The following TMOD1 variants were observed in gnomAD, a reference collection of about 807,000 sequenced individuals.
TMOD1 encodes the protein tropomodulin 1.
In TMOD1, 17 loss-of-function variants were observed where a neutral mutation model predicts 40.6. That is an observed-to-expected ratio of 0.42 (90% confidence interval 0.29 to 0.63). TMOD1 has a LOEUF of 0.63. TMOD1 is among the 20% of genes least tolerant of loss of function. The probability of loss-of-function intolerance (pLI) is 0.22; values close to 1 mark genes in which losing one functional copy is unlikely to be tolerated. For synonymous variants in TMOD1, 181 were observed against 175.0 expected (o/e 1.03, Z -0.27); for missense variants, 391 against 447.6 (o/e 0.87, Z 1.14).
intron 4 of TMOD1, among the ~76,000 whole-genome samples, chr9:97,556,809 G>A (rs1830543664): frequency 1.3e-5 from 2 of 152,184 alleles, no homozygotes; most frequent in East Asian, 3.9e-4. Context: ...ATGGAGAAGA[G>A]CCTAGGAGCA....
At position 97,600,893 on chromosome 9, in the gene TMOD1, G is replaced by C; in HGVS notation, c.*1195G>C. 1 of 1,152,700 alleles carries C rather than the reference G, an allele frequency of 8.7e-7. No individual in the cohort carries two copies. The highest frequency in any genetic ancestry group is 1.1e-6 in the Non-Finnish European group (1 of 919,234). The allele number at this position is 1,152,700 out of a possible 1,614,324, so 71.4% of individuals were successfully genotyped here. ...CCCTTGTGCCTTTTAATATACCACA[G>C]TGCCAGTTAAACTAATATTTTTGTT... On this transcript the variant is annotated 3_prime_UTR_variant, in exon 10 of 10. Transcript: ENST00000259365.
At chr9:97,510,438 C>T (rs1249096146) in intron 1 of TMOD1, among the ~76,000 whole-genome samples, 1 of 152,130 alleles carries the variant, frequency 6.6e-6, no homozygotes, top group East Asian at 1.9e-4. Context: ...ACCATGTTGG[C>T]CAGGCTGGTC....
chr9:97,503,055 A>AC (rs1057197225), intron 1 of TMOD1, among the ~76,000 whole-genome samples: 25 of 152,262 alleles, frequency 1.6e-4, no homozygotes, highest in African/African-American at 5.5e-4. Flanking sequence ...GAATCGCAGA[A>AC]CCAGACCCTG....
intron 4 of TMOD1, among the ~76,000 whole-genome samples, chr9:97,554,682 G>C (rs902085750): frequency 2.6e-5 from 4 of 152,132 alleles, no homozygotes; most frequent in African/African-American, 7.2e-5. Flanking sequence ...GACAGAGTGA[G>C]GGTTCAGGGC....
chr9:97,553,377 A>T lies in TMOD1; in HGVS notation c.374A>T (p.Asp125Val). ...GAGGAAGCCTTGGCAAATGCTTCAG[A>T]TGCAGAACTCTGTGACATTGCAGGT... is the stretch of plus-strand genomic sequence containing the variant. ...ELEEALANAS[D>V]AELCDIAAIL... is the part of the protein sequence containing the mutation. Residue 125 changes from aspartate (D) to valine (V), a missense_variant, in exon 4 of 10, where the codon GAT becomes GTT. Asp to Val is a radical substitution (Grantham distance 152). Transcript: ENST00000259365. 1 of 1,614,226 alleles carries T rather than the reference A, an allele frequency of 6.2e-7. No homozygotes were observed. Among genetic ancestry groups the T allele is most frequent in the Non-Finnish European group, 8.5e-7 (1 of 1,180,034 alleles).
At chr9:97,565,746 G>C in intron 6 of TMOD1, 102 bp from the exon 7 acceptor site, 1 of 935,256 alleles carries the variant, frequency 1.1e-6, no homozygotes, top group South Asian at 1.6e-5. Flanking sequence ...TTTTTGGCCA[G>C]AGACTTGCCA....
chr9:97,565,640 A>C (rs185522880), intron 6 of TMOD1, among the ~76,000 whole-genome samples: 13 of 152,296 alleles, frequency 8.5e-5, no homozygotes, highest in Admixed American at 7.2e-4. Flanking sequence ...GTCTTATCTG[A>C]AATTTTCAGG....
chr9:97,591,491 T>A, intron 9 of TMOD1, 56 bp downstream of exon 9: 1 of 1,568,572 alleles, frequency 6.4e-7, no homozygotes, highest in Non-Finnish European at 8.6e-7. Context: ...CCTCCACCTG[T>A]GCTGGGGATG....
chr9:97,502,272 TG>T lies in TMOD1; in HGVS notation c.-49+474del. On this transcript the variant is annotated intron_variant, in intron 1 of 9. Transcript: ENST00000259365. This position sits in a 1 kb window ranked among gnomAD's most constrained non-coding sequence, Gnocchi z 6.1. ...GGCCTCTTCTCCGCCTGCAAGAGTCTGGGGGTGGGAGTGGGGGAGTAAAGGC... is the reference window on the plus strand; with the variant it reads ...GGCCTCTTCTCCGCCTGCAAGAGTCTGGGGTGGGAGTGGGGGAGTAAAGGC... Among the ~76,000 whole-genome samples, 1 of 151,940 alleles carries T rather than the reference TG, an allele frequency of 6.6e-6. No individual in the cohort carries two copies. The highest frequency in any genetic ancestry group is 1.9e-4 in the East Asian group (1 of 5,142).
At chr9:97,538,736 C>T (rs1830227862) in intron 2 of TMOD1, among the ~76,000 whole-genome samples, 5 of 152,092 alleles carry the variant, frequency 3.3e-5, no homozygotes, top group Admixed American at 2.6e-4. Context: ...GTGGCTCATG[C>T]CTGTAATCCC....
Position 97,599,989 on chromosome 9 carries a change from T to C in TMOD1, c.*291T>C. 1 of 1,189,214 alleles carries C rather than the reference T, an allele frequency of 8.4e-7. No individual in the cohort carries two copies. Among genetic ancestry groups the C allele is most frequent in the South Asian group, 2.2e-5 (1 of 44,932 alleles). 73.7% of individuals were successfully genotyped at this position (1,189,214 alleles called of 1,614,324 possible). ...AGATGATGTTCCAGCAGCAGCGACTTAGCCCCAGGAGCCCAGTTTCAATGG... is the reference window on the plus strand; with the variant it reads ...AGATGATGTTCCAGCAGCAGCGACTCAGCCCCAGGAGCCCAGTTTCAATGG... On this transcript the variant is annotated 3_prime_UTR_variant, in exon 10 of 10. Coordinates refer to ENST00000259365, the MANE Select transcript of TMOD1 (RefSeq NM_003275.4).
At chr9:97,550,884 G>A (rs903766486) in intron 3 of TMOD1, among the ~76,000 whole-genome samples, 4 of 150,996 alleles carry the variant, frequency 2.6e-5, no homozygotes, top group African/African-American at 9.7e-5. Flanking sequence ...ATGAAGTCCA[G>A]TTGATCTATT....
intron 4 of TMOD1, among the ~76,000 whole-genome samples, chr9:97,559,287 A>G (rs1353039290): frequency 6.6e-6 from 1 of 151,376 alleles, no homozygotes; most frequent in Non-Finnish European, 1.5e-5. Context: ...CTAAATTAAA[A>G]CCCACGAGAG....
intron 4 of TMOD1, among the ~76,000 whole-genome samples, chr9:97,559,514 C>G (rs1314561352): frequency 6.6e-6 from 1 of 151,040 alleles, no homozygotes; most frequent in Non-Finnish European, 1.5e-5. Flanking sequence ...GCCTGTATCC[C>G]AGCACTTTGG....
intron 8 of TMOD1, among the ~76,000 whole-genome samples, chr9:97,578,798 G>A (rs900755198): frequency 2.6e-5 from 4 of 152,192 alleles, no homozygotes; most frequent in Non-Finnish European, 4.4e-5. Context: ...CTTTGCAGAG[G>A]CAGTCCTCGA....
intron 8 of TMOD1, among the ~76,000 whole-genome samples, chr9:97,587,564 TTTG>T (rs1327085859): frequency 8.3e-6 from 1 of 120,462 alleles, no homozygotes; most frequent in Non-Finnish European, 1.8e-5. Flanking sequence ...TTTCTAATTG[TTTG>T]TTTTTTTTTT....
At position 97,600,226 on chromosome 9, in the gene TMOD1, A is replaced by G; in HGVS notation, c.*528A>G. ...AATTGATTACTGGATCCAGAACACA[A>G]TTTTCCCCTCAGAACAGATAGACAG... On this transcript the variant is annotated 3_prime_UTR_variant, in exon 10 of 10. Coordinates refer to ENST00000259365, the MANE Select transcript of TMOD1 (RefSeq NM_003275.4). 8.1e-6 allele frequency: 8 copies of G among 993,084 alleles called. No homozygotes were observed. Among genetic ancestry groups the G allele is most frequent in the Non-Finnish European group, 9.6e-6 (8 of 833,792 alleles). 61.5% of individuals were successfully genotyped at this position (993,084 alleles called of 1,614,324 possible).
chr9:97,593,544 A>C (rs1344761895), intron 9 of TMOD1, among the ~76,000 whole-genome samples: 1 of 152,136 alleles, frequency 6.6e-6, no homozygotes, highest in East Asian at 1.9e-4. Flanking sequence ...TTGTGTGCCT[A>C]GGACTGTGCT....
chr9:97,576,658 G>T (rs1830945459), intron 8 of TMOD1, among the ~76,000 whole-genome samples: 1 of 150,868 alleles, frequency 6.6e-6, no homozygotes, highest in Admixed American at 6.6e-5. Context: ...TTTTGAGACG[G>T]AGTCTTGCTC....
Sources: gnomAD v4.1 joint callset for allele counts (sites outside exome capture counted in the v4.1 genomes callset) on GRCh38, gnomAD v4.1.1 for gene constraint, Gnocchi (gnomAD v3.1) non-coding constraint, MANE v1.5 for transcripts, NCBI Gene and HGNC (gene_info 2026-07-23, HGNC 2026-07-21) for gene names.